The following ATP2A3 variants were observed in gnomAD, a reference collection of about 807,000 sequenced individuals.
ATP2A3 encodes ATPase sarcoplasmic/endoplasmic reticulum Ca2+ transporting 3, also known as sarcoplasmic/endoplasmic reticulum calcium ATPase 3.
Under a neutral mutation model 106.8 loss-of-function variants are expected in ATP2A3, and 61 were observed. The ratio of observed to expected loss-of-function variants is 0.57; its 90% CI spans 0.46 to 0.71. The LOEUF (loss-of-function observed/expected upper bound fraction) is 0.71, where lower values mean the gene tolerates loss of function less well. Among genes scored for constraint, ATP2A3 ranks in the 30% least tolerant of loss-of-function variants. The pLI is 0.00. For synonymous variants in ATP2A3, 611 were observed against 609.3 expected (o/e 1.00, Z -0.04); for missense variants, 1,201 against 1,423.5 (o/e 0.84, Z 2.52).
Position 3,941,589 on chromosome 17 carries a change from C to T in ATP2A3, c.1611G>A (p.Leu537=). The change falls in exon 13 of 21, where the codon CTG becomes CTA. Residue 537 remains leucine (L), a synonymous_variant. Coordinates refer to ENST00000397041, the MANE Select transcript of ATP2A3 (RefSeq NM_005173.4). ...GGATCTGCTCCCTGGAGGTGGGGGT[C>T]AGGGGTGCTGTGCGGCTCCCCACGC... ...SVRVGSRTAP[L]TPTSREQILA... 2 of 1,613,022 alleles carry T rather than the reference C, an allele frequency of 1.2e-6. No homozygotes were observed. Among genetic ancestry groups the T allele is most frequent in the South Asian group, 2.2e-5 (2 of 91,078 alleles).
rs2054727381 is a variant in ATP2A3, at chr17:3,955,605, G to A, written c.119-1895C>T. 6.6e-6 allele frequency among the ~76,000 whole-genome samples: 1 copy of A among 152,228 alleles called. No homozygotes were observed. Among genetic ancestry groups the A allele is most frequent in the South Asian group, 2.1e-4 (1 of 4,830 alleles). ...TCTGGGCCAATTCTCCAATGGAGCA[G>A]TGTGCTTTCGAGGTCACCCCAGCCA... On this transcript the variant is annotated intron_variant, in intron 1 of 20. Coordinates refer to ENST00000397041, the MANE Select transcript of ATP2A3 (RefSeq NM_005173.4). This position sits in a 1 kb window ranked among gnomAD's most constrained non-coding sequence, Gnocchi z 4.2.
At chr17:3,935,339 C>T (rs2053376691) in intron 16 of ATP2A3, 62 bp from the exon 17 acceptor site, 1 of 1,498,062 alleles carries the variant, frequency 6.7e-7, no homozygotes, top group Non-Finnish European at 9.2e-7. Flanking sequence ...GTCTGTTTCC[C>T]CTGCCTAATA....
At position 3,937,530 on chromosome 17, in the gene ATP2A3, G is replaced by C; in HGVS notation, c.2207C>G (p.Ser736Ter). Residue 736 changes from serine to a stop codon, truncating the protein, a stop_gained, in exon 15 of 21, where the codon TCA becomes TGA. Transcript: ENST00000397041. LOFTEE classifies it high-confidence loss of function. ...CACGATGGAGGCAAAGTTGTCATCTGACAGCACCATCTCTGCCGCCGACTT... is the reference window on the plus strand; with the variant it reads ...CACGATGGAGGCAAAGTTGTCATCTCACAGCACCATCTCTGCCGCCGACTT... Reference protein sequence around the residue: ...VAKSAAEMVLSDDNFASIVAA... With the variant: ...VAKSAAEMVL The C allele has an allele frequency of 6.2e-7, 1 of 1,614,180 alleles. No homozygotes were observed. Among genetic ancestry groups the C allele is most frequent in the Non-Finnish European group, 8.5e-7 (1 of 1,180,048 alleles).
At chr17:3,951,553 G>GGCCCCCCCC in intron 4 of ATP2A3, 28 bp downstream of exon 4, 119 of 647,242 alleles carry the variant, frequency 1.8e-4, no homozygotes, top group Non-Finnish European at 2.4e-4. Context: ...ACCGCCCCCC[G>GGCCCCCCCC]CCCGGTCCCA....
rs373538772 is a variant in ATP2A3 at position 3,935,297 on chromosome 17, C to G, written c.2525-20G>C. The G allele has an allele frequency of 4.3e-6, 7 of 1,609,586 alleles. No individual in the cohort carries two copies. Among genetic ancestry groups the G allele is most frequent in the Non-Finnish European group, 5.9e-6 (7 of 1,177,224 alleles). ...CGTACACTGCGGGGAAGGGAGGAGA[C>G]CGGCTGTAGAGAATGGCGGTGGTTT... On this transcript the variant is annotated intron_variant, in intron 16 of 20. Transcript: ENST00000397041.
At chr17:3,933,126 C>G (rs547692049) in intron 17 of ATP2A3, among the ~76,000 whole-genome samples, 5 of 151,278 alleles carry the variant, frequency 3.3e-5, no homozygotes, top group Admixed American at 2.0e-4. Flanking sequence ...TACAAAAATA[C>G]AAAAATTAGC....
chr17:3,936,397 C>T lies in ATP2A3; in HGVS notation c.2394G>A (p.Val798=). ...GAGCCGTGGCAGGTAGGCCGTCTGT[C>T]ACCAGGTTCACCCAGAGCAGCTGCA... ...IPVQLLWVNL[V]TDGLPATALG... Residue 798 remains valine (V), a synonymous_variant, in exon 16 of 21, where the codon GTG becomes GTA. Coordinates refer to ENST00000397041, the MANE Select transcript of ATP2A3 (RefSeq NM_005173.4). The surrounding 1 kb of genome is among the most constrained non-coding windows in gnomAD (Gnocchi z 5.4). 6.2e-7 allele frequency: 1 copy of T among 1,614,122 alleles called. No homozygotes were observed.
rs1009752670 is a variant in ATP2A3, at chr17:3,924,404, A to G, written c.*1018T>C. 1 of 185,748 alleles carries G rather than the reference A, an allele frequency of 5.4e-6. No homozygotes were observed. Among genetic ancestry groups the G allele is most frequent in the Non-Finnish European group, 1.1e-5 (1 of 87,528 alleles). The allele number at this position is 185,748 out of a possible 1,614,324, so 11.5% of individuals were successfully genotyped here. A position where few individuals can be genotyped will look rare whatever the true frequency, so the allele number is the denominator to read the frequency against. Reference sequence around the variant, plus strand: ...TGGGGAATCAGCCATCCTTAGTGACATCCTTTCGGCTCATGGGTGTCGTGG... The same window carrying G: ...TGGGGAATCAGCCATCCTTAGTGACGTCCTTTCGGCTCATGGGTGTCGTGG... On this transcript the variant is annotated 3_prime_UTR_variant, in exon 21 of 21. Coordinates refer to ENST00000397041, the MANE Select transcript of ATP2A3 (RefSeq NM_005173.4). This position sits in a 1 kb window ranked among gnomAD's most constrained non-coding sequence, Gnocchi z 6.4.
At chr17:3,961,406 C>G (rs57545477) in intron 1 of ATP2A3, among the ~76,000 whole-genome samples, 43,803 of 151,438 alleles carry the variant, frequency 0.29, 7,383 homozygotes, top group African/African-American at 0.46. Context: ...TTGGGGGTTA[C>G]GGCAGATGGG....
chr17:3,944,743 G>T lies in ATP2A3; in HGVS notation c.1248C>A (p.Ile416=). 6.2e-7 allele frequency: 1 copy of T among 1,613,336 alleles called. No homozygotes were observed. Among genetic ancestry groups the T allele is most frequent in the African/African-American group, 1.3e-5 (1 of 74,990 alleles). The change falls in exon 10 of 21, where the codon ATC becomes ATA. Residue 416 remains isoleucine, a synonymous_variant. Transcript: ENST00000397041. ...GAGCCGAGTCGTTGCACAGGGCGCA[G>T]ATGGTCGCCAGCTCCACCAGCCCGT... ...QFDGLVELAT[I]CALCNDSALD...
chr17:3,964,363 G>T lies in ATP2A3; in HGVS notation c.-72C>A. 1.1e-6 allele frequency: 1 copy of T among 905,476 alleles called. No individual in the cohort carries two copies. The allele number at this position is 905,476 out of a possible 1,614,324, so 56.1% of individuals were successfully genotyped here. Reference sequence around the variant, plus strand: ...CTCCGCCGGGGGGCTACAAAGCGGGGCGCGGGGGACTCGGGCCCGGGCGGG... The same window carrying T: ...CTCCGCCGGGGGGCTACAAAGCGGGTCGCGGGGGACTCGGGCCCGGGCGGG... On this transcript the variant is annotated 5_prime_UTR_variant, in exon 1 of 21. Coordinates refer to ENST00000397041, the MANE Select transcript of ATP2A3 (RefSeq NM_005173.4).
At position 3,964,325 on chromosome 17, in the gene ATP2A3, G is replaced by T; in HGVS notation, c.-34C>A. The T allele has an allele frequency of 8.8e-7, 1 of 1,131,828 alleles. No individual in the cohort carries two copies. Among genetic ancestry groups the T allele is most frequent in the East Asian group, 5.2e-5 (1 of 19,390 alleles). The allele number at this position is 1,131,828 out of a possible 1,614,324, so 70.1% of individuals were successfully genotyped here. On this transcript the variant is annotated 5_prime_UTR_variant, in exon 1 of 21. Transcript: ENST00000397041. The stretch of plus-strand genomic sequence containing the variant: ...CCCGGCCGTCTGCGCCGTCCGCACC[G>T]TCGAGGCCGCCTCTCCGCCGGGGGG...
intron 16 of ATP2A3, 147 bp from the exon 17 acceptor site, chr17:3,935,424 G>A (rs1053317440): frequency 4.2e-6 from 3 of 721,804 alleles, no homozygotes; most frequent in South Asian, 1.7e-5. Flanking sequence ...TCCCCTCGAT[G>A]CCAGTGGTGG....
intron 1 of ATP2A3, among the ~76,000 whole-genome samples, chr17:3,958,418 T>G (rs2054908950): frequency 6.6e-6 from 1 of 152,168 alleles, no homozygotes; most frequent in Non-Finnish European, 1.5e-5. Flanking sequence ...TGACTGACCC[T>G]GCCTCTGTCC....
At chr17:3,954,155 A>G (rs2054618620) in intron 1 of ATP2A3, among the ~76,000 whole-genome samples, 1 of 151,870 alleles carries the variant, frequency 6.6e-6, no homozygotes. Flanking sequence ...CCACCCCCAC[A>G]GCAAGGCAGC....
In ATP2A3 at chr17:3,930,167, C is replaced by T; in HGVS notation, c.2744+134G>A. On this transcript the variant is annotated intron_variant, in intron 18 of 20. Transcript: ENST00000397041. The surrounding 1 kb of genome is among the most constrained non-coding windows in gnomAD (Gnocchi z 5.4). ...ATACTGGAACCCCCAGCCCTCAGCC[C>T]CCACTCCTCGGCCCCAGCTCCAGGC... 1 of 1,261,836 alleles carries T rather than the reference C, an allele frequency of 7.9e-7. No homozygotes were observed. Among genetic ancestry groups the T allele is most frequent in the South Asian group, 1.4e-5 (1 of 71,240 alleles). 78.2% of individuals were successfully genotyped at this position (1,261,836 alleles called of 1,614,324 possible). A position where few individuals can be genotyped will look rare whatever the true frequency, so the allele number is the denominator to read the frequency against.
chr17:3,951,558 G>GCCCCCCCCCCC, intron 4 of ATP2A3, 23 bp downstream of exon 4: 10 of 716,192 alleles, frequency 1.4e-5, no homozygotes, highest in South Asian at 3.2e-5. Flanking sequence ...CCCCCGCCCG[G>GCCCCCCCCCCC]TCCCACCCCC....
At position 3,943,400 on chromosome 17, in the gene ATP2A3, G is replaced by T. The variant is rs1335885735; in HGVS notation, c.1410C>A (p.Ala470=). ...CCCCAGCCCTGCTCACCGTGTTACA[G>T]GCGCCAGCTCGCTCCACCCGGGACA... ...QALSRVERAG[A]CNTVIKQLMR... Residue 470 remains alanine (A), a synonymous_variant, in exon 11 of 21, where the codon GCC becomes GCA. Transcript: ENST00000397041. The T allele has an allele frequency of 1.2e-6, 2 of 1,613,826 alleles. No individual in the cohort carries two copies. The highest frequency in any genetic ancestry group is 2.7e-5 in the African/African-American group (2 of 74,922).
At chr17:3,949,053 G>A (rs1331024033) in intron 7 of ATP2A3, among the ~76,000 whole-genome samples, 1 of 150,630 alleles carries the variant, frequency 6.6e-6, no homozygotes, top group Non-Finnish European at 1.5e-5. Context: ...GCTTGAACTC[G>A]GGAGGCGGAA....
Sources: allele counts gnomAD v4.1 joint callset (sites outside exome capture counted in the v4.1 genomes callset), GRCh38; gene constraint gnomAD v4.1.1; non-coding constraint Gnocchi (gnomAD v3.1); transcripts MANE v1.5; gene names NCBI Gene and HGNC (gene_info 2026-07-23, HGNC 2026-07-21).